The following PHF14 variants were observed in gnomAD, a reference collection of about 807,000 sequenced individuals.
PHF14 encodes PHD finger protein 14.
In PHF14, 55 loss-of-function variants were observed where a neutral mutation model predicts 117.9. The observed-to-expected ratio is 0.47, with a 90% CI of 0.38 to 0.58. The LOEUF (loss-of-function observed/expected upper bound fraction) is 0.58, where lower values mean the gene tolerates loss of function less well. Among genes scored for constraint, PHF14 ranks in the 20% least tolerant of loss-of-function variants. The pLI is 0.00. For missense variants in PHF14, 978 were observed against 1,122.2 expected (o/e 0.87, Z 1.84); for synonymous variants, 409 against 368.6 (o/e 1.11, Z -1.26).
At chr7:11,163,650 A>C (rs997634652) in intron 17 of PHF14, among the ~76,000 whole-genome samples, 31 of 152,198 alleles carry the variant, frequency 2.0e-4, no homozygotes, top group African/African-American at 7.2e-4. Flanking sequence ...TAAAAACTCT[A>C]ATTAATTTCA....
In PHF14 at chr7:11,114,457, C is replaced by T. The variant is rs117224471; in HGVS notation, c.2772+2990C>T. ...CTGTCTATTACTTTTATAGAAATTC[C>T]GTAAGTCTAATAAGATTCATCATAT... On this transcript the variant is annotated intron_variant, in intron 17 of 17. Transcript: ENST00000634607. Among the ~76,000 whole-genome samples the T allele has an allele frequency of 5.8e-3, 885 of 151,942 alleles. 25 individuals carry two copies. Among genetic ancestry groups the T allele is most frequent in the East Asian group, 0.035 (179 of 5,176 alleles).
intron 4 of PHF14, among the ~76,000 whole-genome samples, chr7:10,998,261 G>T (rs958101113): frequency 2.0e-5 from 3 of 152,178 alleles, no homozygotes; most frequent in African/African-American, 7.2e-5. Flanking sequence ...TGGAGCATGT[G>T]TAAGTTATTT....
chr7:10,974,419 C>T, intron 1 of PHF14, 95 bp downstream of exon 1: 2 of 1,061,392 alleles, frequency 1.9e-6, no homozygotes, highest in Non-Finnish European at 2.9e-6. Context: ...GAGAGTCCTG[C>T]GGGAAAGCAG....
chr7:10,994,801 C>T (rs1271388230), intron 4 of PHF14, among the ~76,000 whole-genome samples: 5 of 152,072 alleles, frequency 3.3e-5, no homozygotes, highest in Admixed American at 6.5e-5. Flanking sequence ...CAGACCTTCG[C>T]GGTGAGTGTT....
chr7:11,048,246 T>C (rs1784741223), intron 13 of PHF14, among the ~76,000 whole-genome samples: 1 of 152,144 alleles, frequency 6.6e-6, no homozygotes, highest in African/African-American at 2.4e-5. Flanking sequence ...GTATTTGACT[T>C]TAGGAAAGAT....
intron 2 of PHF14, among the ~76,000 whole-genome samples, chr7:10,977,170 G>C (rs1309932027): frequency 2.0e-5 from 3 of 151,846 alleles, no homozygotes; most frequent in African/African-American, 7.3e-5. Context: ...CCTATCACTG[G>C]TTTCCAAACA....
At chr7:11,020,802 A>G (rs1271396966) in intron 5 of PHF14, among the ~76,000 whole-genome samples, 2 of 152,200 alleles carry the variant, frequency 1.3e-5, no homozygotes, top group Non-Finnish European at 2.9e-5. Flanking sequence ...ATGTAAATGA[A>G]CAACCTCCTA....
At chr7:11,011,570 G>A (rs1436906733) in intron 4 of PHF14, among the ~76,000 whole-genome samples, 1 of 152,076 alleles carries the variant, frequency 6.6e-6, no homozygotes, top group African/African-American at 2.4e-5. Flanking sequence ...ATGTTGGGAT[G>A]GTTGCTATTT....
chr7:11,006,037 C>G (rs992784012), intron 4 of PHF14, among the ~76,000 whole-genome samples: 6 of 152,008 alleles, frequency 3.9e-5, no homozygotes, highest in African/African-American at 1.4e-4. Flanking sequence ...CATGATCTGC[C>G]CACCTCGGCC....
intron 4 of PHF14, among the ~76,000 whole-genome samples, chr7:10,991,831 C>T (rs1203240969): frequency 2.9e-5 from 4 of 136,014 alleles, no homozygotes; most frequent in African/African-American, 5.5e-5. Flanking sequence ...CTCCTGGCCT[C>T]AAGCAATCTG....
chr7:11,124,805 C>G (rs2128347132), intron 17 of PHF14, among the ~76,000 whole-genome samples: 2 of 151,994 alleles, frequency 1.3e-5, no homozygotes, highest in African/African-American at 4.8e-5. Context: ...TGTCCTAAAG[C>G]CATTTTAGAT....
In PHF14 at chr7:11,144,468, C is replaced by T. The variant is rs185602971; in HGVS notation, c.2773-24948C>T. 9.1e-4 allele frequency among the ~76,000 whole-genome samples: 138 copies of T among 151,060 alleles called. 1 individual carries two copies. Among genetic ancestry groups the T allele is most frequent in the Admixed American group, 3.4e-3 (51 of 15,112 alleles). On this transcript the variant is annotated intron_variant, in intron 17 of 17. Transcript: ENST00000634607. ...AATTATAAATTATGTACCTATACCC[C>T]ATGTTTATTGCAGAGATACCTACAC...
intron 16 of PHF14, chr7:11,102,774 T>A: frequency 3.6e-6 from 5 of 1,373,912 alleles, no homozygotes; most frequent in Non-Finnish European, 2.8e-6. Context: ...TTGCTTTTTT[T>A]GCACTTATCA....
At chr7:10,985,259 A>C (rs1318907343) in intron 3 of PHF14, among the ~76,000 whole-genome samples, 2 of 152,124 alleles carry the variant, frequency 1.3e-5, no homozygotes, top group East Asian at 3.9e-4. Flanking sequence ...AGCTAGTGAT[A>C]ATTTCTGTGT....
At chr7:11,136,731 T>C (rs1054939135) in intron 17 of PHF14, among the ~76,000 whole-genome samples, 3 of 152,166 alleles carry the variant, frequency 2.0e-5, no homozygotes, top group African/African-American at 7.2e-5. Flanking sequence ...AACAGATGTA[T>C]ATAAACATAA....
intron 4 of PHF14, among the ~76,000 whole-genome samples, chr7:10,999,435 CT>C (rs1283866031): frequency 6.6e-6 from 1 of 152,134 alleles, no homozygotes; most frequent in Admixed American, 6.5e-5. Flanking sequence ...TAAAGCAACT[CT>C]TTTACTATAG....
At chr7:11,037,810 A>T (rs1187619849) in intron 10 of PHF14, among the ~76,000 whole-genome samples, 1 of 152,194 alleles carries the variant, frequency 6.6e-6, no homozygotes, top group African/African-American at 2.4e-5. Flanking sequence ...ACTGTGTAGT[A>T]AAAAGAGTAC....
intron 16 of PHF14, among the ~76,000 whole-genome samples, chr7:11,099,980 A>G (rs1787027253): frequency 6.6e-6 from 1 of 152,068 alleles, no homozygotes; most frequent in African/African-American, 2.4e-5. Flanking sequence ...CAATTTCTCT[A>G]AATGAGCTGA....
At chr7:11,092,934 TC>T (rs930965936) in intron 16 of PHF14, among the ~76,000 whole-genome samples, 43 of 152,306 alleles carry the variant, frequency 2.8e-4, no homozygotes, top group African/African-American at 9.1e-4. Context: ...GACCCTTGAA[TC>T]AGATTGGCAT....
Sources: gnomAD v4.1 joint callset for allele counts (sites outside exome capture counted in the v4.1 genomes callset) on GRCh38, gnomAD v4.1.1 for gene constraint, MANE v1.5 for transcripts, NCBI Gene and HGNC (gene_info 2026-07-23, HGNC 2026-07-21) for gene names.